TRAPPC9: variants seen among roughly 807,000 people sequenced by gnomAD.
TRAPPC9 encodes the protein IKK2 binding protein.
Under a neutral mutation model 124.0 loss-of-function variants are expected in TRAPPC9, and 83 were observed. That is an observed-to-expected ratio of 0.67 (90% CI 0.56 to 0.80). The LOEUF (loss-of-function observed/expected upper bound fraction) is 0.80. TRAPPC9 is among the 30% of genes least tolerant of loss of function. The pLI, the probability that TRAPPC9 is intolerant of heterozygous loss-of-function variation, is 0.00. For missense variants in TRAPPC9, 1,302 were observed against 1,508.3 expected, an observed-to-expected ratio of 0.86 and a Z score of 2.27; for synonymous variants, 638 against 617.5, an observed-to-expected ratio of 1.03 and a Z score of -0.49.
At chr8:140,256,254 G>A (rs1363808411) in intron 15 of TRAPPC9, among the ~76,000 whole-genome samples, 2 of 152,130 alleles carry the variant, frequency 1.3e-5, no homozygotes, top group Non-Finnish European at 2.9e-5. Context: ...TCCTTTAGAC[G>A]GTAAGTCACT....
intron 17 of TRAPPC9, among the ~76,000 whole-genome samples, chr8:140,188,455 T>C (rs1051965736): frequency 6.6e-6 from 1 of 152,208 alleles, no homozygotes; most frequent in Non-Finnish European, 1.5e-5. Flanking sequence ...AGCACAGCTG[T>C]TGGGAAGTTG....
chr8:139,906,801 A>T (rs1315629332), intron 20 of TRAPPC9, among the ~76,000 whole-genome samples: 1 of 152,134 alleles, frequency 6.6e-6, no homozygotes, highest in Non-Finnish European at 1.5e-5. Context: ...TGGCTCCTCA[A>T]CCCACCAGCA....
chr8:139,973,510 G>C (rs2614722), intron 19 of TRAPPC9, among the ~76,000 whole-genome samples: 83,261 of 152,186 alleles, frequency 0.55, 22,878 homozygotes, highest in East Asian at 0.66. Flanking sequence ...AAGACCTGAC[G>C]TGGACAGGGG....
chr8:139,763,191 C>G (rs1051905915), intron 21 of TRAPPC9, among the ~76,000 whole-genome samples: 2 of 152,314 alleles, frequency 1.3e-5, no homozygotes, highest in East Asian at 3.9e-4. Context: ...GGAAGCCAGG[C>G]TTTATAGAGG....
chr8:140,451,413 G>A (rs1418299901), intron 1 of TRAPPC9, 30 bp from the exon 2 acceptor site: 2 of 1,573,284 alleles, frequency 1.3e-6, no homozygotes, highest in Admixed American at 3.4e-5. Context: ...GAGGCTGTGA[G>A]ACACAGAGTC....
intron 21 of TRAPPC9, among the ~76,000 whole-genome samples, chr8:139,866,929 G>A (rs1199570483): frequency 2.0e-5 from 3 of 152,154 alleles, no homozygotes; most frequent in Admixed American, 1.3e-4. Flanking sequence ...CCACCTCTCA[G>A]GGTCAAGTGA....
intron 21 of TRAPPC9, among the ~76,000 whole-genome samples, chr8:139,798,455 A>C (rs1823252592): frequency 6.6e-6 from 1 of 152,222 alleles, no homozygotes; most frequent in Non-Finnish European, 1.5e-5. Flanking sequence ...TGAAATCAGA[A>C]GGGGGTTGAT....
chr8:140,338,248 G>A (rs2132041546), intron 9 of TRAPPC9, among the ~76,000 whole-genome samples: 1 of 152,290 alleles, frequency 6.6e-6, no homozygotes, highest in South Asian at 2.1e-4. Context: ...ATACGTATAA[G>A]CAAAGCCCAC....
intron 17 of TRAPPC9, among the ~76,000 whole-genome samples, chr8:140,100,859 G>T (rs1001503916): frequency 2.6e-5 from 4 of 152,248 alleles, no homozygotes; most frequent in Admixed American, 6.5e-5. Context: ...CGAGGCGAAA[G>T]CCTGGGTGGG....
At chr8:140,251,845 A>C (rs1014556077) in intron 16 of TRAPPC9, among the ~76,000 whole-genome samples, 1 of 152,156 alleles carries the variant, frequency 6.6e-6, no homozygotes, top group African/African-American at 2.4e-5. Context: ...CCCTCACCAG[A>C]AAATCACCAC....
chr8:139,732,779 G>A (rs1817924871), intron 21 of TRAPPC9, among the ~76,000 whole-genome samples: 1 of 152,194 alleles, frequency 6.6e-6, no homozygotes, highest in Non-Finnish European at 1.5e-5. Context: ...TGTCCAGGGT[G>A]CCTGACACAC....
chr8:140,209,986 A>G (rs1291907604), intron 17 of TRAPPC9, among the ~76,000 whole-genome samples: 1 of 152,236 alleles, frequency 6.6e-6, no homozygotes, highest in East Asian at 1.9e-4. Flanking sequence ...TAATCTTTCT[A>G]AGCTGTTCAG....
At chr8:140,192,372 G>A (rs80228186) in intron 17 of TRAPPC9, among the ~76,000 whole-genome samples, 23 of 152,328 alleles carry the variant, frequency 1.5e-4, no homozygotes, top group South Asian at 2.1e-4. Context: ...TCACCTCAAC[G>A]TAGGCAAAAG....
At position 139,910,198 on chromosome 8, in the gene TRAPPC9, C is replaced by T. The variant is rs767630493; in HGVS notation, c.2913G>A (p.Arg971=). The change falls in exon 20 of 23, where the codon CGG becomes CGA. Residue 971 remains arginine (R), a synonymous_variant. Transcript: ENST00000438773. The part of the protein sequence containing the change: ...ANPKQLEEER[R]EARGLEIHSK... ...TGTGGATCTCCAGGCCTCGGGCTTC[C>T]CGCCGCTCTTCCTCCAGCTGCTTGG... 6.2e-7 allele frequency: 1 copy of T among 1,613,778 alleles called. No individual in the cohort carries two copies. Among genetic ancestry groups the T allele is most frequent in the Non-Finnish European group, 8.5e-7 (1 of 1,179,926 alleles).
At chr8:140,289,118 G>A (rs141191233) in intron 12 of TRAPPC9, among the ~76,000 whole-genome samples, 4 of 152,128 alleles carry the variant, frequency 2.6e-5, no homozygotes, top group Non-Finnish European at 4.4e-5. Flanking sequence ...TGGTGCAGAC[G>A]CAGGGGTATA....
chr8:139,859,319 C>T (rs1366427998), intron 21 of TRAPPC9, among the ~76,000 whole-genome samples: 5 of 152,248 alleles, frequency 3.3e-5, no homozygotes, highest in Middle Eastern at 6.8e-3. Flanking sequence ...GCCCAGCCTG[C>T]GCTTCCATTT....
intron 6 of TRAPPC9, among the ~76,000 whole-genome samples, chr8:140,404,100 T>C (rs2132421646): frequency 6.6e-6 from 1 of 152,226 alleles, no homozygotes; most frequent in Middle Eastern, 3.4e-3. Flanking sequence ...CAGAAATAAA[T>C]AATAATCAGT....
At chr8:139,769,550 A>T (rs1251531433) in intron 21 of TRAPPC9, among the ~76,000 whole-genome samples, 1 of 152,244 alleles carries the variant, frequency 6.6e-6, no homozygotes, top group Admixed American at 6.5e-5. Flanking sequence ...TCTATGGTTG[A>T]ACGAGGGTCA....
Position 139,730,041 on chromosome 8 carries a change from T to G in TRAPPC9, c.*1020A>C, listed in dbSNP as rs1016983708. Among the ~76,000 whole-genome samples, 1 of 152,150 alleles carries G rather than the reference T, an allele frequency of 6.6e-6. No homozygotes were observed. The highest frequency in any genetic ancestry group is 1.5e-5 in the Non-Finnish European group (1 of 68,020). The stretch of plus-strand genomic sequence containing the variant: ...GCCCTCAAGGGAGATGTGAGCCGTG[T>G]GCTTTCTCTCTCCGGTCCTCCCTGA... On this transcript the variant is annotated 3_prime_UTR_variant, in exon 23 of 23. Transcript: ENST00000438773.
Sources: allele counts gnomAD v4.1 joint callset (sites outside exome capture counted in the v4.1 genomes callset), GRCh38; gene constraint gnomAD v4.1.1; transcripts MANE v1.5; gene names NCBI Gene and HGNC (gene_info 2026-07-23, HGNC 2026-07-21).